Variants in SCMH1 observed in about 807,000 individuals in gnomAD.
SCMH1 encodes the protein Scm polycomb group protein homolog 1.
SCMH1 carries 37 observed loss-of-function variants against 70.8 expected under a neutral mutation model. That is an observed-to-expected ratio of 0.52 (90% CI 0.40 to 0.69). The LOEUF is 0.69. Among genes scored for constraint, SCMH1 ranks in the 30% least tolerant of loss-of-function variants. SCMH1 has a pLI of 0.00. For synonymous variants in SCMH1, 292 were observed against 307.4 expected (o/e 0.95, Z 0.52); for missense variants, 607 against 827.3 (o/e 0.73, Z 3.27).
At chr1:41,206,859 C>G (rs115361948) in intron 1 of SCMH1, among the ~76,000 whole-genome samples, 2 of 152,116 alleles carry the variant, frequency 1.3e-5, no homozygotes, top group Non-Finnish European at 2.9e-5. Flanking sequence ...AAACCCTATA[C>G]GCCAGAAGCG....
At chr1:41,148,255 G>GTTAT (rs1214475027) in intron 5 of SCMH1, among the ~76,000 whole-genome samples, 3 of 152,020 alleles carry the variant, frequency 2.0e-5, no homozygotes, top group Non-Finnish European at 4.4e-5. Flanking sequence ...ACAATATACG[G>GTTAT]TTATTGTCTA....
At chr1:41,088,398 A>C (rs1662357287) in intron 8 of SCMH1, among the ~76,000 whole-genome samples, 1 of 152,184 alleles carries the variant, frequency 6.6e-6, no homozygotes, top group Non-Finnish European at 1.5e-5. Flanking sequence ...AAAAAATAAA[A>C]TTAAATCCAT....
chr1:41,105,873 GAT>G (rs1410939554), intron 8 of SCMH1, among the ~76,000 whole-genome samples: 1 of 149,598 alleles, frequency 6.7e-6, no homozygotes, highest in Non-Finnish European at 1.5e-5. Flanking sequence ...AAGCCCATTT[GAT>G]AGTTTTTTTT....
intron 8 of SCMH1, among the ~76,000 whole-genome samples, chr1:41,079,176 T>C (rs772397300): frequency 1.3e-5 from 2 of 152,048 alleles, no homozygotes; most frequent in African/African-American, 2.4e-5. Flanking sequence ...ACATACTTGA[T>C]TAATCCAAAA....
chr1:41,202,725 A>T (rs1326790067), intron 1 of SCMH1, among the ~76,000 whole-genome samples: 1 of 152,092 alleles, frequency 6.6e-6, no homozygotes, highest in East Asian at 1.9e-4. Flanking sequence ...GAGTAATATG[A>T]TGGGGAGGGA....
intron 1 of SCMH1, among the ~76,000 whole-genome samples, chr1:41,188,834 A>C (rs1357779437): frequency 6.6e-6 from 1 of 152,240 alleles, no homozygotes; most frequent in Non-Finnish European, 1.5e-5. Context: ...TGTTTACTAC[A>C]TGCCAGATAT....
At chr1:41,127,258 G>C (rs1377913247) in intron 6 of SCMH1, among the ~76,000 whole-genome samples, 1 of 152,080 alleles carries the variant, frequency 6.6e-6, no homozygotes, top group Non-Finnish European at 1.5e-5. Context: ...ATTAGGGAGA[G>C]TTATCTGTGC....
chr1:41,194,075 T>A (rs962872579), intron 1 of SCMH1, among the ~76,000 whole-genome samples: 7 of 152,210 alleles, frequency 4.6e-5, no homozygotes, highest in African/African-American at 1.7e-4. Flanking sequence ...AGTTACAGGA[T>A]TTTGAATAAG....
chr1:41,199,924 G>A (rs1653906560), intron 1 of SCMH1, among the ~76,000 whole-genome samples: 1 of 152,100 alleles, frequency 6.6e-6, no homozygotes, highest in African/African-American at 2.4e-5. Context: ...CCTCTTTTCG[G>A]TTTCCTTATG....
At chr1:41,226,336 T>C (rs774229031) in intron 1 of SCMH1, among the ~76,000 whole-genome samples, 6 of 152,194 alleles carry the variant, frequency 3.9e-5, no homozygotes, top group Non-Finnish European at 2.9e-5. Context: ...TGATGAGATT[T>C]GTAACTTAGA....
chr1:41,216,190 C>T (rs1473964938), intron 1 of SCMH1, among the ~76,000 whole-genome samples: 2 of 152,330 alleles, frequency 1.3e-5, no homozygotes, highest in Non-Finnish European at 2.9e-5. Flanking sequence ...ACTAGCAGTG[C>T]CATGGATAAG....
intron 1 of SCMH1, among the ~76,000 whole-genome samples, chr1:41,204,338 A>C (rs1655024937): frequency 6.6e-6 from 1 of 152,146 alleles, no homozygotes; most frequent in Non-Finnish European, 1.5e-5. Flanking sequence ...TCCTGTCCTG[A>C]CTATATGTTA....
chr1:41,070,533 A>T (rs1375074209), intron 10 of SCMH1, 62 bp downstream of exon 10: 1 of 1,596,442 alleles, frequency 6.3e-7, no homozygotes, highest in Non-Finnish European at 8.5e-7. Context: ...GTGTAAGACA[A>T]AAGAAAGTGC....
intron 8 of SCMH1, among the ~76,000 whole-genome samples, chr1:41,085,220 A>G (rs1022886129): frequency 6.6e-6 from 1 of 152,068 alleles, no homozygotes; most frequent in Non-Finnish European, 1.5e-5. Flanking sequence ...TCTATACTAT[A>G]AATGCAAAGA....
In SCMH1 at chr1:41,178,414, A is replaced by G. The variant is rs546518729; in HGVS notation, c.13+7707T>C. Among the ~76,000 whole-genome samples, 14 of 152,298 alleles carry G rather than the reference A, an allele frequency of 9.2e-5. No individual in the cohort carries two copies. In the East Asian group the frequency reaches 2.5e-3, roughly 27 times the overall value. On this transcript the variant is annotated intron_variant, in intron 2 of 14. Transcript: ENST00000337495. ...TATTAACCTTAAATGTAAATGGGCT[A>G]AATGCTCCAAGTAAAAGACACAGAC...
intron 9 of SCMH1, among the ~76,000 whole-genome samples, chr1:41,074,094 ATCAATG>A (rs1657445584): frequency 7.3e-6 from 1 of 136,994 alleles, no homozygotes; most frequent in Non-Finnish European, 1.6e-5. Context: ...TTTTTTTTAT[ATCAATG>A]CCTTCCTTAG....
rs558346726 is a variant in SCMH1 at position 41,030,489 on chromosome 1, CATGCA to C, written c.1679-1768_1679-1764del. ...AATAAGTCAAGCATTTATCCTCTGA[CATGCA>C]ATTTCCTGGGTCTGGAATGTTCTTT... On this transcript the variant is annotated intron_variant, in intron 13 of 14. Coordinates refer to ENST00000337495, the Ensembl canonical transcript of SCMH1. Among the ~76,000 whole-genome samples the C allele has an allele frequency of 1.2e-3, 176 of 152,324 alleles. 1 individual carries two copies. The highest frequency in any genetic ancestry group is 3.8e-3 in the African/African-American group (158 of 41,574).
chr1:41,140,795 G>A (rs1643987501), intron 6 of SCMH1, among the ~76,000 whole-genome samples: 1 of 152,140 alleles, frequency 6.6e-6, no homozygotes, highest in African/African-American at 2.4e-5. Context: ...GGAACATGTT[G>A]AAATTGCAAA....
intron 6 of SCMH1, among the ~76,000 whole-genome samples, chr1:41,132,118 G>A (rs999485865): frequency 5.3e-5 from 8 of 152,100 alleles, no homozygotes; most frequent in East Asian, 1.9e-4. Context: ...TTGAAGAATC[G>A]CGACACTGTC....
Sources: allele counts gnomAD v4.1 joint callset (sites outside exome capture counted in the v4.1 genomes callset), GRCh38; gene constraint gnomAD v4.1.1; transcripts MANE v1.5; gene names NCBI Gene and HGNC (gene_info 2026-07-23, HGNC 2026-07-21).